Variants in PIP5K1B observed in about 807,000 individuals in gnomAD.
The protein encoded by PIP5K1B is phosphatidylinositol-4-phosphate 5-kinase type 1 beta.
In PIP5K1B, 42 loss-of-function variants were observed where a neutral mutation model predicts 67.0. That is an observed-to-expected ratio of 0.63 (90% confidence interval 0.49 to 0.81). The LOEUF (loss-of-function observed/expected upper bound fraction) is 0.81. PIP5K1B is among the 30% of genes least tolerant of loss of function. The probability of loss-of-function intolerance (pLI) is 0.00; values close to 1 mark genes in which losing one functional copy is unlikely to be tolerated. For missense variants in PIP5K1B, 459 were observed against 646.3 expected (o/e 0.71, Z 3.14); for synonymous variants, 214 against 231.4 (o/e 0.92, Z 0.68).
At chr9:68,888,130 C>T (rs1824582153) in intron 6 of PIP5K1B, among the ~76,000 whole-genome samples, 1 of 152,202 alleles carries the variant, frequency 6.6e-6, no homozygotes, top group South Asian at 2.1e-4. Flanking sequence ...AGGCACGTGC[C>T]ACCACGCCCG....
intron 4 of PIP5K1B, among the ~76,000 whole-genome samples, chr9:68,851,384 A>C (rs992456652): frequency 3.3e-5 from 5 of 152,224 alleles, no homozygotes; most frequent in Non-Finnish European, 5.9e-5. Flanking sequence ...AGGCAAATTC[A>C]CCACATGGAG....
chr9:69,002,655 C>A (rs1292497505), intron 15 of PIP5K1B, among the ~76,000 whole-genome samples: 1 of 152,086 alleles, frequency 6.6e-6, no homozygotes, highest in Non-Finnish European at 1.5e-5. Context: ...CTCTGGACTT[C>A]CCAGAACCCA....
intron 4 of PIP5K1B, among the ~76,000 whole-genome samples, chr9:68,825,869 C>G (rs532763449): frequency 5.6e-4 from 85 of 152,298 alleles, no homozygotes; most frequent in African/African-American, 2.0e-3. Flanking sequence ...ATTTACTGGG[C>G]AGCTGCCAGT....
In PIP5K1B at chr9:68,789,473, A is replaced by G. The variant is rs113612122; in HGVS notation, c.-85-28988A>G. On this transcript the variant is annotated intron_variant, in intron 2 of 15. Coordinates refer to ENST00000265382, the MANE Select transcript of PIP5K1B (RefSeq NM_003558.4). ...GACCTCCATCTGGATCACAGCCACA[A>G]AAAAAGATCTTGTGGTGGTAAACAC... 2.3e-5 allele frequency: 12 copies of G among 517,454 alleles called. 1 individual carries two copies. The highest frequency in any genetic ancestry group is 1.2e-4 in the African/African-American group (6 of 51,600). The allele number at this position is 517,454 out of a possible 1,614,324, so 32.1% of individuals were successfully genotyped here. A position where few individuals can be genotyped will look rare whatever the true frequency, so the allele number is the denominator to read the frequency against.
intron 13 of PIP5K1B, among the ~76,000 whole-genome samples, chr9:68,937,515 T>C (rs919819085): frequency 3.3e-5 from 5 of 152,216 alleles, no homozygotes; most frequent in Admixed American, 3.3e-4. Context: ...TTAGTCTGGC[T>C]AGAGGTCTAT....
chr9:68,993,698 C>T (rs1830478578), intron 15 of PIP5K1B, among the ~76,000 whole-genome samples: 1 of 152,182 alleles, frequency 6.6e-6, no homozygotes, highest in Admixed American at 6.5e-5. Context: ...AACCAGAAAT[C>T]AGGAAAGCCT....
At position 68,833,269 on chromosome 9, in the gene PIP5K1B, C is replaced by T. The variant is rs1834415236; in HGVS notation, c.69+10586C>T. On this transcript the variant is annotated intron_variant, in intron 4 of 15. Coordinates refer to ENST00000265382, the MANE Select transcript of PIP5K1B (RefSeq NM_003558.4). ...GGGGACCCTCCCTAAGGAGGCAGCA[C>T]AGGGGCTGGGATCGCGAGTGTGTGA... 2.0e-5 allele frequency among the ~76,000 whole-genome samples: 3 copies of T among 152,226 alleles called. No individual in the cohort carries two copies. The South Asian group carries it at 6.2e-4, about 31-fold the overall frequency.
At chr9:68,727,370 C>G (rs1027254715) in intron 1 of PIP5K1B, among the ~76,000 whole-genome samples, 46 of 152,040 alleles carry the variant, frequency 3.0e-4, no homozygotes, top group Admixed American at 6.6e-5. Context: ...CTTGCACATA[C>G]GTTTCCCTGA....
intron 14 of PIP5K1B, among the ~76,000 whole-genome samples, chr9:68,947,551 C>T (rs973699426): frequency 1.3e-5 from 2 of 152,102 alleles, no homozygotes; most frequent in Non-Finnish European, 2.9e-5. Flanking sequence ...ACAACCACAA[C>T]ACATGGAGCA....
intron 2 of PIP5K1B, among the ~76,000 whole-genome samples, chr9:68,798,134 A>G (rs1024537610): frequency 1.2e-4 from 19 of 152,204 alleles, no homozygotes; most frequent in African/African-American, 3.9e-4. Flanking sequence ...CCAGATTTGA[A>G]TTAAACTTCC....
chr9:68,850,601 A>G (rs144826728), intron 4 of PIP5K1B, among the ~76,000 whole-genome samples: 5 of 152,320 alleles, frequency 3.3e-5, no homozygotes, highest in African/African-American at 1.2e-4. Context: ...CATCCGCTAT[A>G]AGCATTGTGT....
intron 13 of PIP5K1B, chr9:68,935,885 C>T (rs371972937): frequency 1.3e-5 from 2 of 152,182 alleles, no homozygotes; most frequent in African/African-American, 2.4e-5. Context: ...AAATATGGAA[C>T]GTTTCACAAA....
At chr9:68,824,455 T>A (rs528859652) in intron 4 of PIP5K1B, among the ~76,000 whole-genome samples, 14 of 152,304 alleles carry the variant, frequency 9.2e-5, no homozygotes, top group African/African-American at 3.4e-4. Flanking sequence ...TTTTAGGTTG[T>A]AAAAACTAAA....
chr9:68,931,889 C>T (rs1827022509), intron 12 of PIP5K1B, among the ~76,000 whole-genome samples: 1 of 152,186 alleles, frequency 6.6e-6, no homozygotes, highest in African/African-American at 2.4e-5. Flanking sequence ...CAATGTTACC[C>T]AGTCAAAAGA....
rs5898051 is a variant in PIP5K1B, at chr9:68,920,359, C to CTTTTTTTTTTTTT, written c.1116+644_1116+656dup. Among the ~76,000 whole-genome samples, 61 of 98,370 alleles carry CTTTTTTTTTTTTT rather than the reference C, an allele frequency of 6.2e-4. 22 individuals are homozygous for CTTTTTTTTTTTTT. Among genetic ancestry groups the CTTTTTTTTTTTTT allele is most frequent in the African/African-American group, 1.7e-3 (46 of 27,488 alleles). 64.5% of individuals were successfully genotyped at this position (98,370 alleles called of 152,430 possible). A position where few individuals can be genotyped will look rare whatever the true frequency, so the allele number is the denominator to read the frequency against. On this transcript the variant is annotated intron_variant, in intron 11 of 15. Coordinates refer to ENST00000265382, the MANE Select transcript of PIP5K1B (RefSeq NM_003558.4). ...ATACATGCTGGCTGCCTGAGGTTGT[C>CTTTTTTTTTTTTT]TTTTTTTTTTTTTTTTTTTTTTTTT... is the stretch of plus-strand genomic sequence containing the variant.
At chr9:68,911,371 C>G (rs1825841580) in intron 8 of PIP5K1B, among the ~76,000 whole-genome samples, 3 of 75,490 alleles carry the variant, frequency 4.0e-5, no homozygotes, top group African/African-American at 1.1e-4. Flanking sequence ...AAAACTCCAT[C>G]TCAAATAAAA....
chr9:68,790,105 CTG>C (rs1280571000), intron 2 of PIP5K1B, among the ~76,000 whole-genome samples: 2 of 152,132 alleles, frequency 1.3e-5, no homozygotes, highest in African/African-American at 4.8e-5. Flanking sequence ...TAAGTTAAAA[CTG>C]TGGCATTTTT....
intron 3 of PIP5K1B, among the ~76,000 whole-genome samples, 155 bp downstream of exon 3, chr9:68,818,700 A>G (rs937195941): frequency 2.0e-5 from 3 of 152,212 alleles, no homozygotes; most frequent in African/African-American, 7.2e-5. Flanking sequence ...ACATCAAGCA[A>G]ACAGAAACAA....
intron 2 of PIP5K1B, among the ~76,000 whole-genome samples, chr9:68,786,697 ATT>A (rs910345583): frequency 5.9e-4 from 90 of 151,968 alleles, no homozygotes; most frequent in African/African-American, 2.1e-3. Flanking sequence ...AGCTTTATGT[ATT>A]TTTTCCCTAT....
Sources: allele counts gnomAD v4.1 joint callset (sites outside exome capture counted in the v4.1 genomes callset), GRCh38; gene constraint gnomAD v4.1.1; transcripts MANE v1.5; gene names NCBI Gene and HGNC (gene_info 2026-07-23, HGNC 2026-07-21).